Variants in SLC4A4 observed in about 807,000 individuals in gnomAD.
The protein encoded by SLC4A4 is solute carrier family 4 member 4.
A neutral mutation model predicts 111.5 loss-of-function variants in SLC4A4; 27 were observed. The ratio of observed to expected loss-of-function variants is 0.24; its 90% confidence interval spans 0.18 to 0.33. The LOEUF is 0.33. SLC4A4 is among the 10% of genes least tolerant of loss of function. The pLI is 1.00. For synonymous variants in SLC4A4, 443 were observed against 463.4 expected, an observed-to-expected ratio of 0.96 and a Z score of 0.57; for missense variants, 909 against 1,315.5, an observed-to-expected ratio of 0.69 and a Z score of 4.78.
rs757772638 is a variant in SLC4A4 at position 71,451,332 on chromosome 4, T to C, written c.1322+31T>C. 3 of 1,324,082 alleles carry C rather than the reference T, an allele frequency of 2.3e-6. No individual in the cohort carries two copies. The African/African-American group carries it at 4.3e-5, about 19-fold the overall frequency. 82.0% of individuals were successfully genotyped at this position (1,324,082 alleles called of 1,614,324 possible). ...TGACAGTTTCCTTTGCCATTCATGA[T>C]GAGGTTCTCCTTAAATGTAAATTTC... On this transcript the variant is annotated intron_variant, in intron 11 of 25. Transcript: ENST00000264485.
chr4:71,510,451 T>A (rs1031924080), intron 16 of SLC4A4, among the ~76,000 whole-genome samples: 1 of 152,180 alleles, frequency 6.6e-6, no homozygotes, highest in African/African-American at 2.4e-5. Context: ...GAAATGAAAA[T>A]TTTTATGTCT....
chr4:71,566,289 T>C (rs1737464309), intron 24 of SLC4A4, among the ~76,000 whole-genome samples: 1 of 151,776 alleles, frequency 6.6e-6, no homozygotes, highest in South Asian at 2.1e-4. Context: ...GGAGCATTAA[T>C]AGCAAAAGCA....
intron 4 of SLC4A4, among the ~76,000 whole-genome samples, chr4:71,347,682 A>G (rs187911201): frequency 3.3e-5 from 5 of 152,318 alleles, no homozygotes; most frequent in East Asian, 3.9e-4. Context: ...ACTACTGTAT[A>G]TAAGTGAGGC....
intron 24 of SLC4A4, 21 bp from the exon 25 acceptor site, chr4:71,566,983 T>C: frequency 6.2e-7 from 1 of 1,601,942 alleles, no homozygotes; most frequent in African/African-American, 1.3e-5. Context: ...ATTTATGTTT[T>C]TAAAAAATTT....
chr4:71,563,376 TA>T (rs66508423), intron 23 of SLC4A4, among the ~76,000 whole-genome samples: 131,398 of 151,340 alleles, frequency 0.87, 58,026 homozygotes, highest in Non-Finnish European at 0.96. Flanking sequence ...GTCATGATTT[TA>T]TCTAGAGACG....
intron 20 of SLC4A4, among the ~76,000 whole-genome samples, chr4:71,549,478 T>A (rs1735805659): frequency 6.6e-6 from 1 of 151,884 alleles, no homozygotes; most frequent in Admixed American, 6.6e-5. Flanking sequence ...TTTTATGAGC[T>A]CTCTTTGTGC....
intron 2 of SLC4A4, among the ~76,000 whole-genome samples, chr4:71,130,586 A>T (rs1246985710): frequency 1.3e-5 from 2 of 152,168 alleles, no homozygotes; most frequent in African/African-American, 4.8e-5. Flanking sequence ...TGCTCTTAGC[A>T]CTTAGTGATA....
intron 3 of SLC4A4, among the ~76,000 whole-genome samples, chr4:71,284,904 C>T (rs1252568999): frequency 6.6e-6 from 1 of 152,184 alleles, no homozygotes; most frequent in Admixed American, 6.5e-5. Flanking sequence ...ACGTGCCCAC[C>T]TACTTCTCTA....
chr4:71,472,255 C>T (rs761805797), intron 13 of SLC4A4, among the ~76,000 whole-genome samples: 21 of 151,830 alleles, frequency 1.4e-4, no homozygotes, highest in African/African-American at 1.9e-4. Flanking sequence ...TTACATTTAT[C>T]GATTTGTTTC....
intron 1 of SLC4A4, among the ~76,000 whole-genome samples, chr4:71,225,900 C>T (rs145981762): frequency 0.012 from 1,853 of 152,262 alleles, 15 homozygotes; most frequent in Non-Finnish European, 0.02. Context: ...ATGCTATTGC[C>T]GTGCTAATTA....
chr4:71,331,545 C>A (rs1727992648), intron 3 of SLC4A4, among the ~76,000 whole-genome samples: 1 of 137,024 alleles, frequency 7.3e-6, no homozygotes, highest in South Asian at 2.3e-4. Flanking sequence ...AACCCTTGGA[C>A]ACAGGAAGGG....
At chr4:71,466,010 G>C (rs1647382970) in intron 12 of SLC4A4, among the ~76,000 whole-genome samples, 1 of 152,082 alleles carries the variant, frequency 6.6e-6, no homozygotes, top group Non-Finnish European at 1.5e-5. Context: ...ATAAAAGAGA[G>C]CTACTGATAA....
chr4:71,223,154 T>C (rs1003960491), intron 1 of SLC4A4, among the ~76,000 whole-genome samples: 4 of 152,110 alleles, frequency 2.6e-5, no homozygotes, highest in African/African-American at 9.7e-5. Flanking sequence ...GTTTTTATTT[T>C]TGTTTTTGTT....
intron 18 of SLC4A4, among the ~76,000 whole-genome samples, chr4:71,539,342 G>C (rs1158604811): frequency 6.6e-6 from 1 of 151,420 alleles, no homozygotes; most frequent in African/African-American, 2.4e-5. Context: ...TTCACACTTT[G>C]GCCCCTTTAA....
intron 2 of SLC4A4, among the ~76,000 whole-genome samples, chr4:71,108,103 C>T (rs1338294335): frequency 3.3e-5 from 5 of 152,154 alleles, no homozygotes; most frequent in African/African-American, 9.7e-5. Context: ...AAAATTACAA[C>T]TTTTTACAGT....
intron 7 of SLC4A4, among the ~76,000 whole-genome samples, chr4:71,438,712 C>A (rs556976266): frequency 1.3e-5 from 2 of 152,124 alleles, no homozygotes; most frequent in Non-Finnish European, 2.9e-5. Context: ...TATTCAAAAT[C>A]AAATATCTGC....
chr4:71,495,171 A>G (rs1245544312), intron 15 of SLC4A4, among the ~76,000 whole-genome samples: 2 of 152,072 alleles, frequency 1.3e-5, no homozygotes, highest in Non-Finnish European at 2.9e-5. Context: ...TGTAAGCAAG[A>G]AGACATGTCT....
chr4:71,526,369 A>AT (rs1733420877), intron 16 of SLC4A4, among the ~76,000 whole-genome samples: 1 of 152,092 alleles, frequency 6.6e-6, no homozygotes, highest in African/African-American at 2.4e-5. Flanking sequence ...TATGCAGACT[A>AT]TATCACCCTG....
rs41265673 is a variant in SLC4A4, at chr4:71,547,625, G to A, written c.2622-23G>A. 3,813 of 1,593,548 alleles carry A rather than the reference G, an allele frequency of 2.4e-3. 12 individuals carry two copies. Among genetic ancestry groups the A allele is most frequent in the Middle Eastern group, 0.017 (101 of 6,000 alleles). ...GTTTATGAAGACAAGAGGTAGATTG[G>A]TAATCTTTTGATTTGGTTTCAGGGA... On this transcript the variant is annotated intron_variant, in intron 19 of 25. Coordinates refer to ENST00000264485, the MANE Select transcript of SLC4A4 (RefSeq NM_001098484.3).
Sources: allele counts gnomAD v4.1 joint callset (sites outside exome capture counted in the v4.1 genomes callset), GRCh38; gene constraint gnomAD v4.1.1; transcripts MANE v1.5; gene names NCBI Gene and HGNC (gene_info 2026-07-23, HGNC 2026-07-21).